PSMG4: variants seen among roughly 807,000 people sequenced by gnomAD.
PSMG4 encodes proteasome assembly chaperone 4.
Under a neutral mutation model 11.0 loss-of-function variants are expected in PSMG4, and 10 were observed. The observed-to-expected ratio is 0.91, with a 90% CI of 0.56 to 1.54. PSMG4 has a LOEUF of 1.54. Among genes scored for constraint, PSMG4 ranks in the 40% most tolerant of loss-of-function variants. The probability of loss-of-function intolerance (pLI) is 0.00; values close to 1 mark genes in which losing one functional copy is unlikely to be tolerated. For synonymous variants in PSMG4, 95 were observed against 71.3 expected (o/e 1.33, Z -1.68); for missense variants, 198 against 160.9 (o/e 1.23, Z -1.25).
upstream of PSMG4, among the ~76,000 whole-genome samples, chr6:3,257,888 A>G (rs569345104): frequency 1.7e-4 from 26 of 152,376 alleles, no homozygotes; most frequent in African/African-American, 5.8e-4. Context: ...AAGCTGTTAA[A>G]ATATTGACCT....
chr6:3,265,472 G>C (rs1758147199), intron 2 of PSMG4: 1 of 152,290 alleles, frequency 6.6e-6, no homozygotes, highest in South Asian at 2.1e-4. Context: ...GAGGGGCTCA[G>C]TGCCTCCAGA....
chr6:3,265,752 T>G (rs1393591103), intron 2 of PSMG4: 1 of 152,128 alleles, frequency 6.6e-6, no homozygotes, highest in Non-Finnish European at 1.5e-5. Context: ...CCTAAGAGGC[T>G]TCCTCACTCC....
upstream of PSMG4, among the ~76,000 whole-genome samples, chr6:3,257,271 C>T (rs1036586381): frequency 6.6e-6 from 1 of 152,084 alleles, no homozygotes; most frequent in African/African-American, 2.4e-5. Flanking sequence ...GTTCCAGGGC[C>T]GCTGATGTTG....
upstream of PSMG4, among the ~76,000 whole-genome samples, chr6:3,254,860 A>T (rs777785688): frequency 1.3e-5 from 2 of 152,200 alleles, no homozygotes; most frequent in Non-Finnish European, 2.9e-5. Context: ...ACTCAGGGTG[A>T]ACATGAGATG....
chr6:3,254,428 C>CTT (rs1197671672), upstream of PSMG4, among the ~76,000 whole-genome samples: 1 of 145,992 alleles, frequency 6.8e-6, no homozygotes, highest in Non-Finnish European at 1.5e-5. Context: ...GGAGGTATGG[C>CTT]TTTGTGCTGT....
At chr6:3,264,129 G>T in intron 2 of PSMG4, 1 of 1,534,250 alleles carries the variant, frequency 6.5e-7, no homozygotes. Flanking sequence ...CCGGGCCTTA[G>T]GAGGAGTCAG....
At chr6:3,258,333 T>A (rs756219881), upstream of PSMG4, among the ~76,000 whole-genome samples, 3 of 152,250 alleles carry the variant, frequency 2.0e-5, no homozygotes, top group Non-Finnish European at 4.4e-5. Flanking sequence ...GACTGCAGCT[T>A]GGGACTCGGC....
upstream of PSMG4, chr6:3,254,974 G>A (rs964111467): frequency 2.5e-5 from 35 of 1,412,730 alleles, no homozygotes; most frequent in Non-Finnish European, 3.2e-5. Flanking sequence ...CATGTGATGT[G>A]GCTGTGGATC....
chr6:3,257,769 C>T (rs1296728250), upstream of PSMG4, among the ~76,000 whole-genome samples: 1 of 152,118 alleles, frequency 6.6e-6, no homozygotes, highest in South Asian at 2.1e-4. Flanking sequence ...GAGTACTGGA[C>T]GCGTTCACTT....
chr6:3,260,291 A>ATATATATATATATATTTTTTTTTTTTT, intron 1 of PSMG4, among the ~76,000 whole-genome samples: 2 of 70,866 alleles, frequency 2.8e-5, no homozygotes, highest in East Asian at 4.6e-4. Context: ...ATATATATAT[A>ATATATATATATATATTTTTTTTTTTTT]TTTTTTTTTT....
At chr6:3,259,539 A>G (rs980528140) in intron 1 of PSMG4, among the ~76,000 whole-genome samples, 10 of 152,172 alleles carry the variant, frequency 6.6e-5, no homozygotes, top group Non-Finnish European at 1.5e-4. Flanking sequence ...GAGCACACTG[A>G]TAATTTTTTG....
chr6:3,264,512 T>G, intron 2 of PSMG4: 2 of 1,132,796 alleles, frequency 1.8e-6, no homozygotes, highest in Non-Finnish European at 1.2e-6. Flanking sequence ...TCAGTCACAC[T>G]GAGGCAAATG....
In PSMG4 at chr6:3,267,784, T is replaced by C; in HGVS notation, c.*72T>C. On this transcript the variant is annotated 3_prime_UTR_variant, in exon 3 of 3. Transcript: ENST00000438998. ...GTAAATAAATGGATTGAATTTCAGT[T>C]TGTCATCAGGCCGCGCTCCCGTTTT... 6.8e-7 allele frequency: 1 copy of C among 1,462,146 alleles called. No homozygotes were observed. Among genetic ancestry groups the C allele is most frequent in the South Asian group, 1.2e-5 (1 of 80,040 alleles). The allele number at this position is 1,462,146 out of a possible 1,614,324, so 90.6% of individuals were successfully genotyped here.
chr6:3,255,216 C>T (rs1177751831), upstream of PSMG4: 26 of 1,549,910 alleles, frequency 1.7e-5, no homozygotes, highest in Non-Finnish European at 2.3e-5. Flanking sequence ...GCAGCAGGAG[C>T]AAAATCAACT....
At chr6:3,255,047 A>C, upstream of PSMG4, 1 of 1,550,526 alleles carries the variant, frequency 6.4e-7, no homozygotes, top group South Asian at 1.2e-5. Context: ...GATTCTCTGG[A>C]CAGGAACAAA....
upstream of PSMG4, chr6:3,255,053 A>G (rs999782958): frequency 1.4e-5 from 21 of 1,550,726 alleles, no homozygotes; most frequent in East Asian, 4.9e-5. Flanking sequence ...CTGGACAGGA[A>G]CAAACACACT....
Position 3,258,990 on chromosome 6 carries a change from T to C in PSMG4, c.-33T>C. Reference sequence around the variant, plus strand: ...GGGCTGGCAGCGGCGAGGACCCGGGTCTGGCGCTGTGGGCCGGGAGCCGTG... The same window carrying C: ...GGGCTGGCAGCGGCGAGGACCCGGGCCTGGCGCTGTGGGCCGGGAGCCGTG... On this transcript the variant is annotated 5_prime_UTR_variant, in exon 1 of 3. Coordinates refer to ENST00000438998, the MANE Select transcript of PSMG4 (RefSeq NM_001128591.2). 2 of 1,238,584 alleles carry C rather than the reference T, an allele frequency of 1.6e-6. No homozygotes were observed. The highest frequency in any genetic ancestry group is 2.0e-6 in the Non-Finnish European group (2 of 990,864). 76.7% of individuals were successfully genotyped at this position (1,238,584 alleles called of 1,614,324 possible). A position where few individuals can be genotyped will look rare whatever the true frequency, so the allele number is the denominator to read the frequency against.
Position 3,264,091 on chromosome 6 carries a change from C to G in PSMG4, c.250+332C>G, listed in dbSNP as rs1413478903. 2.0e-6 allele frequency: 3 copies of G among 1,487,684 alleles called. No individual in the cohort carries two copies. The Admixed American group carries it at 6.6e-5, about 33-fold the overall frequency. 92.2% of individuals were successfully genotyped at this position (1,487,684 alleles called of 1,614,324 possible). On this transcript the variant is annotated intron_variant, in intron 2 of 2. Transcript: ENST00000438998. The stretch of plus-strand genomic sequence containing the variant: ...GAGAGCATGAGAAGTGCCCACAGCC[C>G]CTGTGGGTGGTGGCTCAAGGTAGCC...
upstream of PSMG4, among the ~76,000 whole-genome samples, chr6:3,258,279 T>A (rs1055111718): frequency 6.6e-6 from 1 of 152,218 alleles, no homozygotes; most frequent in Non-Finnish European, 1.5e-5. Context: ...ATGAGGAAAC[T>A]GAGTCTCAGA....
Sources: allele counts gnomAD v4.1 joint callset (sites outside exome capture counted in the v4.1 genomes callset), GRCh38; gene constraint gnomAD v4.1.1; transcripts MANE v1.5; gene names NCBI Gene and HGNC (gene_info 2026-07-23, HGNC 2026-07-21).